C13orf46: variants seen among roughly 807,000 people sequenced by gnomAD.
The protein encoded by C13orf46 is chromosome 13 open reading frame 46.
chr13:113,940,294 C>T, the C13orf46 span, among the ~76,000 whole-genome samples: 1 of 152,244 alleles, frequency 6.6e-6, no homozygotes, highest in Non-Finnish European at 1.5e-5. Context: ...TGCCGCCAAG[C>T]CCCCCACCCC....
chr13:113,965,813 AGGTGATGATGGTGATAATGGTGAT>A (rs1359287857), intron 5 of C13orf46, among the ~76,000 whole-genome samples: 15 of 77,816 alleles, frequency 1.9e-4, no homozygotes, highest in East Asian at 7.6e-4. Flanking sequence ...ATGATGGTGA[AGGTGATGATGGTGATAATGGTGAT>A]GGTGATGATG....
chr13:113,950,412 G>T (rs1043918949), downstream of C13orf46, among the ~76,000 whole-genome samples: 6 of 146,918 alleles, frequency 4.1e-5, no homozygotes, highest in African/African-American at 1.5e-4. Flanking sequence ...CCCCACCTTG[G>T]GGACCTCACT....
chr13:113,965,961 GATT>G lies in C13orf46; in HGVS notation c.505-970_505-968del, dbSNP rs1449234002. Among the ~76,000 whole-genome samples the G allele has an allele frequency of 7.8e-4, 114 of 145,914 alleles. 2 individuals carry two copies. Among genetic ancestry groups the G allele is most frequent in the Non-Finnish European group, 7.2e-4 (46 of 64,188 alleles). On this transcript the variant is annotated intron_variant, in intron 5 of 6. Transcript: ENST00000636427. ...TGATGGTGATGATGATGGTGATGGT[GATT>G]ATAATGTTGGTGATGATGGTGACAG...
At chr13:113,930,755 C>T in the C13orf46 span, among the ~76,000 whole-genome samples, 1 of 152,250 alleles carries the variant, frequency 6.6e-6, no homozygotes, top group Non-Finnish European at 1.5e-5. Flanking sequence ...GTATCAACAT[C>T]ACCCACATCA....
At chr13:113,963,606 G>T (rs893285390) in intron 6 of C13orf46, among the ~76,000 whole-genome samples, 1 of 118,222 alleles carries the variant, frequency 8.5e-6, no homozygotes, top group African/African-American at 3.2e-5. Flanking sequence ...GTCCTCAGCC[G>T]CAGTCCTTGT....
the C13orf46 span, among the ~76,000 whole-genome samples, chr13:113,941,450 A>G: frequency 4.6e-5 from 6 of 131,254 alleles, no homozygotes; most frequent in African/African-American, 2.9e-5. Flanking sequence ...TGTGAGGCTG[A>G]GCGTTCGAGA....
chr13:113,942,710 G>C, the C13orf46 span, among the ~76,000 whole-genome samples: 1 of 152,368 alleles, frequency 6.6e-6, no homozygotes, highest in East Asian at 1.9e-4. Context: ...GAGGATGAGG[G>C]AGACGGCAGG....
Position 113,953,869 on chromosome 13 carries a change from C to G in C13orf46, c.*2904G>C, listed in dbSNP as rs1307904173. On this transcript the variant is annotated 3_prime_UTR_variant, in exon 7 of 7. Transcript: ENST00000636427. ...TTGGAGGCCGCAACTGAGTCACACC[C>G]AACTGCCCGGCAGCCTGTCCAGGAC... 1.3e-5 allele frequency: 2 copies of G among 152,248 alleles called. No homozygotes were observed. Among genetic ancestry groups the G allele is most frequent in the African/African-American group, 4.8e-5 (2 of 41,460 alleles). The allele number at this position is 152,248 out of a possible 1,614,324, so 9.4% of individuals were successfully genotyped here.
the C13orf46 span, among the ~76,000 whole-genome samples, chr13:113,933,356 G>C: frequency 6.6e-6 from 1 of 152,168 alleles, no homozygotes; most frequent in African/African-American, 2.4e-5. Flanking sequence ...AGATGAGTAG[G>C]CCTGGGTGTT....
In C13orf46 at chr13:113,954,398, A is replaced by C. The variant is rs2052504630; in HGVS notation, c.*2375T>G. On this transcript the variant is annotated 3_prime_UTR_variant, in exon 7 of 7. Coordinates refer to ENST00000636427, the MANE Select transcript of C13orf46 (RefSeq NM_001365455.2). The stretch of plus-strand genomic sequence containing the variant: ...GAGGGCTCTGGGTGGATTCTGGTGA[A>C]ACTCGTCTTACAGGCATGTCCTGGA... 1 of 152,576 alleles carries C rather than the reference A, an allele frequency of 6.6e-6. No homozygotes were observed. The highest frequency in any genetic ancestry group is 1.5e-5 in the Non-Finnish European group (1 of 68,384). 9.5% of individuals were successfully genotyped at this position (152,576 alleles called of 1,614,324 possible).
the C13orf46 span, among the ~76,000 whole-genome samples, chr13:113,944,069 C>A: frequency 6.6e-6 from 1 of 152,190 alleles, no homozygotes; most frequent in Admixed American, 6.5e-5. Flanking sequence ...CAAGGCCTCA[C>A]AGACCCCAGT....
At chr13:113,931,460 G>A in the C13orf46 span, among the ~76,000 whole-genome samples, 1 of 152,284 alleles carries the variant, frequency 6.6e-6, no homozygotes, top group Non-Finnish European at 1.5e-5. Context: ...ACAAGCAGAC[G>A]CCAAGTGGAA....
intron 6 of C13orf46, among the ~76,000 whole-genome samples, chr13:113,958,751 T>A (rs1485666013): frequency 1.3e-5 from 2 of 152,144 alleles, no homozygotes; most frequent in Admixed American, 6.5e-5. Context: ...ATCGTGCCCA[T>A]GAAGGGACTC....
the C13orf46 span, among the ~76,000 whole-genome samples, chr13:113,948,003 G>A: frequency 3.3e-4 from 50 of 152,352 alleles, 1 homozygote; most frequent in African/African-American, 9.6e-4. Context: ...AGCGCCCATC[G>A]GGGCCATGGA....
At position 113,956,039 on chromosome 13, in the gene C13orf46, C is replaced by T. The variant is rs1381271090; in HGVS notation, c.*734G>A. On this transcript the variant is annotated 3_prime_UTR_variant, in exon 7 of 7. Coordinates refer to ENST00000636427, the MANE Select transcript of C13orf46 (RefSeq NM_001365455.2). ...GGCGGAGAGGAGGAGTAGGATCTGG[C>T]AGAGAGGAGTAGGATCTGGCGGAGA... The T allele has an allele frequency of 0.1, 13,867 of 133,520 alleles. 1,113 individuals carry two copies. Among genetic ancestry groups the T allele is most frequent in the Middle Eastern group, 0.18 (31 of 170 alleles). 8.3% of individuals were successfully genotyped at this position (133,520 alleles called of 1,614,324 possible).
the C13orf46 span, among the ~76,000 whole-genome samples, chr13:113,934,443 G>A: frequency 3.3e-5 from 5 of 152,334 alleles, no homozygotes; most frequent in South Asian, 1.0e-3. Context: ...ATGGGCAAGG[G>A]TGTGGGGCCA....
chr13:113,970,268 C>T (rs1278421183), intron 1 of C13orf46, 46 bp from the exon 2 acceptor site: 10 of 152,526 alleles, frequency 6.6e-5, no homozygotes, highest in African/African-American at 2.4e-4. Flanking sequence ...ACCGCAGCTA[C>T]CGGAGCTCAG....
rs2052511733 is a variant in C13orf46 at position 113,955,018 on chromosome 13, G to A, written c.*1755C>T. On this transcript the variant is annotated 3_prime_UTR_variant, in exon 7 of 7. Transcript: ENST00000636427. ...CTGGCAGAGAGGAGGAGTAGGATCT[G>A]GCGGAGAGGAGGAGTAGGATCTGGC... is the stretch of plus-strand genomic sequence containing the variant. 2.2e-5 allele frequency: 4 copies of A among 182,536 alleles called. No homozygotes were observed. In the South Asian group the frequency reaches 3.3e-4, roughly 15 times the overall value. 11.3% of individuals were successfully genotyped at this position (182,536 alleles called of 1,614,324 possible).
At position 113,956,652 on chromosome 13, in the gene C13orf46, G is replaced by A. The variant is rs1171062920; in HGVS notation, c.*121C>T. 6.6e-6 allele frequency: 1 copy of A among 152,378 alleles called. No homozygotes were observed. Among genetic ancestry groups the A allele is most frequent in the Non-Finnish European group, 1.5e-5 (1 of 68,156 alleles). 9.4% of individuals were successfully genotyped at this position (152,378 alleles called of 1,614,324 possible). A position where few individuals can be genotyped will look rare whatever the true frequency, so the allele number is the denominator to read the frequency against. ...AGAAACCTCAGTGCCTGGCAGAGAA[G>A]GCTCTTGGGCGGCAAGTAGGTGGCC... On this transcript the variant is annotated 3_prime_UTR_variant, in exon 7 of 7. Transcript: ENST00000636427.
Sources: allele counts gnomAD v4.1 joint callset (sites outside exome capture counted in the v4.1 genomes callset), GRCh38; gene constraint gnomAD v4.1.1; transcripts MANE v1.5; gene names NCBI Gene and HGNC (gene_info 2026-07-23, HGNC 2026-07-21).